EMSY: variants seen among roughly 807,000 people sequenced by gnomAD.
EMSY encodes BRCA2-interacting transcriptional repressor EMSY.
EMSY carries 26 observed loss-of-function variants against 134.6 expected under a neutral mutation model. The ratio of observed to expected loss-of-function variants is 0.19; its 90% CI spans 0.14 to 0.27. The LOEUF (loss-of-function observed/expected upper bound fraction) is 0.27, where lower values mean the gene tolerates loss of function less well. EMSY is among the 10% of genes least tolerant of loss of function. The pLI is 1.00. For synonymous variants in EMSY, 579 were observed against 577.8 expected, an observed-to-expected ratio of 1.00 and a Z score of -0.03; for missense variants, 1,305 against 1,611.4, an observed-to-expected ratio of 0.81 and a Z score of 3.26.
At chr11:76,463,978 C>T in exon 7 of EMSY, 1 of 1,614,184 alleles carries the variant, frequency 6.2e-7, no homozygotes, top group Admixed American at 1.7e-5. Context: ...AGATGAGCAA[C>T]ATCATGCAGA....
intron 20 of EMSY, 41 bp from the exon 22 acceptor site, chr11:76,549,911 C>T (rs768585653): frequency 3.3e-5 from 47 of 1,442,078 alleles, no homozygotes; most frequent in Admixed American, 6.8e-5. Flanking sequence ...ATTCTGCTAC[C>T]TTTTCTTACC....
At chr11:76,548,234 TTGATC>T (rs1951721427) in intron 20 of EMSY, among the ~76,000 whole-genome samples, 1 of 152,230 alleles carries the variant, frequency 6.6e-6, no homozygotes, top group Non-Finnish European at 1.5e-5. Context: ...ATGTTTAGCT[TTGATC>T]TGAAGTATTG....
At chr11:76,513,406 C>A in exon 10 of EMSY, 1 of 1,613,360 alleles carries the variant, frequency 6.2e-7, no homozygotes. Flanking sequence ...CATCACACAA[C>A]AGGTTCAACC....
intron 6 of EMSY, among the ~76,000 whole-genome samples, chr11:76,462,038 A>C (rs1948142685): frequency 6.6e-6 from 1 of 151,874 alleles, no homozygotes; most frequent in African/African-American, 2.4e-5. Context: ...GGAGTTTGAG[A>C]CCAGCCTTGC....
intron 8 of EMSY, among the ~76,000 whole-genome samples, chr11:76,474,424 G>A (rs570918015): frequency 1.8e-3 from 272 of 152,288 alleles, no homozygotes; most frequent in Middle Eastern, 3.4e-3. Context: ...TTGGGGCTTG[G>A]AAATATTCTA....
At chr11:76,446,605 T>C (rs1947422795) in intron 1 of EMSY, among the ~76,000 whole-genome samples, 1 of 152,182 alleles carries the variant, frequency 6.6e-6, no homozygotes, top group Non-Finnish European at 1.5e-5. Flanking sequence ...AACTGGGTGG[T>C]ATTACCTCTG....
chr11:76,472,681 C>G (rs772340945), exon 8 of EMSY: 1 of 1,614,132 alleles, frequency 6.2e-7, no homozygotes, highest in Non-Finnish European at 8.5e-7. Flanking sequence ...TTCTACAACC[C>G]AGAAGCCACC....
At chr11:76,530,047 A>G (rs1316278648) in intron 14 of EMSY, among the ~76,000 whole-genome samples, 2 of 152,038 alleles carry the variant, frequency 1.3e-5, no homozygotes, top group Non-Finnish European at 2.9e-5. Context: ...AGAAGTCTGT[A>G]TATACATAAT....
At chr11:76,454,567 T>G (rs1590779154) in intron 4 of EMSY, among the ~76,000 whole-genome samples, 182 bp from the exon 5 acceptor site, 2 of 152,238 alleles carry the variant, frequency 1.3e-5, no homozygotes, top group South Asian at 4.1e-4. Context: ...TAATAGGAAA[T>G]TTATGTGCTA....
chr11:76,511,323 T>C (rs1410560368), intron 9 of EMSY, among the ~76,000 whole-genome samples: 1 of 152,222 alleles, frequency 6.6e-6, no homozygotes, highest in East Asian at 1.9e-4. Context: ...TTGCATATAA[T>C]TGAGCAAAGT....
At chr11:76,528,324 A>G (rs55879788) in exon 14 of EMSY, 4 of 1,613,782 alleles carry the variant, frequency 2.5e-6, no homozygotes, top group Admixed American at 1.7e-5. Context: ...GTGAACAAAC[A>G]AGACAGCTAG....
intron 2 of EMSY, among the ~76,000 whole-genome samples, chr11:76,451,135 A>G (rs1219044236): frequency 1.3e-5 from 2 of 152,094 alleles, no homozygotes; most frequent in Admixed American, 6.5e-5. Context: ...CTGTGGAGAG[A>G]GTGCAATGAA....
At chr11:76,462,107 C>T (rs1262194994) in intron 6 of EMSY, among the ~76,000 whole-genome samples, 1 of 151,936 alleles carries the variant, frequency 6.6e-6, no homozygotes, top group Non-Finnish European at 1.5e-5. Flanking sequence ...GGTGTGGTGG[C>T]AGGTGCCTGT....
chr11:76,520,162 T>C (rs1950593425), intron 11 of EMSY, among the ~76,000 whole-genome samples: 2 of 152,162 alleles, frequency 1.3e-5, no homozygotes, highest in African/African-American at 4.8e-5. Flanking sequence ...CTATCAATTA[T>C]AAATTATATT....
At chr11:76,467,657 T>C (rs954890683) in intron 7 of EMSY, among the ~76,000 whole-genome samples, 1 of 152,154 alleles carries the variant, frequency 6.6e-6, no homozygotes, top group Non-Finnish European at 1.5e-5. Context: ...GTTCCAATAC[T>C]GGCTTAGCTA....
chr11:76,458,052 T>C (rs1947945366), intron 4 of EMSY, 131 bp from the exon 6 acceptor site: 1 of 692,698 alleles, frequency 1.4e-6, no homozygotes, highest in South Asian at 3.2e-5. Flanking sequence ...CTTGCTTGCT[T>C]AAAATAAAGC....
At chr11:76,486,987 G>T (rs1949211789) in intron 8 of EMSY, among the ~76,000 whole-genome samples, 1 of 152,170 alleles carries the variant, frequency 6.6e-6, no homozygotes, top group African/African-American at 2.4e-5. Context: ...TTGTTAATAA[G>T]ACAGATGAGG....
At chr11:76,465,688 C>G (rs554346709) in intron 7 of EMSY, among the ~76,000 whole-genome samples, 128 of 146,568 alleles carry the variant, frequency 8.7e-4, no homozygotes, top group African/African-American at 3.1e-3. Flanking sequence ...TAAATGTTTT[C>G]TTCTTTCATG....
At chr11:76,523,708 T>C (rs916615061) in intron 12 of EMSY, among the ~76,000 whole-genome samples, 17 of 144,440 alleles carry the variant, frequency 1.2e-4, no homozygotes, top group South Asian at 1.1e-3. Context: ...TACTTTCTTT[T>C]TTTTTTTTTT....
Sources: allele counts gnomAD v4.1 joint callset (sites outside exome capture counted in the v4.1 genomes callset), GRCh38; gene constraint gnomAD v4.1.1; transcripts MANE v1.5; gene names NCBI Gene and HGNC (gene_info 2026-07-23, HGNC 2026-07-21).